The following MAPKAP1 variants were observed in gnomAD, a reference collection of about 807,000 sequenced individuals.
MAPKAP1 encodes MAPK associated protein 1.
Under a neutral mutation model 65.7 loss-of-function variants are expected in MAPKAP1, and 20 were observed. That is an observed-to-expected ratio of 0.30 (90% CI 0.21 to 0.44). The LOEUF is 0.44. Ranked by LOEUF, MAPKAP1 falls within the 20% of genes least tolerant of loss-of-function variation. MAPKAP1 has a pLI of 1.00. For synonymous variants in MAPKAP1, 222 were observed against 244.3 expected (o/e 0.91, Z 0.85); for missense variants, 423 against 648.0 (o/e 0.65, Z 3.77).
chr9:125,557,099 A>C (rs948367072), intron 6 of MAPKAP1, among the ~76,000 whole-genome samples: 1 of 152,204 alleles, frequency 6.6e-6, no homozygotes, highest in Non-Finnish European at 1.5e-5. Flanking sequence ...AGGATCAAAA[A>C]ACAGAGTATT....
At chr9:125,673,471 C>T (rs943972537) in intron 1 of MAPKAP1, among the ~76,000 whole-genome samples, 1 of 152,192 alleles carries the variant, frequency 6.6e-6, no homozygotes, top group African/African-American at 2.4e-5. Flanking sequence ...GTTGATCCGC[C>T]CGCCTTGGCC....
chr9:125,569,763 C>T (rs998836026), intron 5 of MAPKAP1, among the ~76,000 whole-genome samples: 1 of 152,200 alleles, frequency 6.6e-6, no homozygotes, highest in African/African-American at 2.4e-5. Context: ...AAAAATCTTA[C>T]AACTACTGTA....
intron 9 of MAPKAP1, among the ~76,000 whole-genome samples, chr9:125,475,146 G>C (rs765283899): frequency 6.6e-6 from 1 of 152,056 alleles, no homozygotes; most frequent in Non-Finnish European, 1.5e-5. Context: ...CTCAGGGCTG[G>C]GACATGACTT....
intron 6 of MAPKAP1, among the ~76,000 whole-genome samples, chr9:125,552,067 C>G (rs147384972): frequency 5.3e-4 from 81 of 152,324 alleles, no homozygotes; most frequent in African/African-American, 1.9e-3. Flanking sequence ...TCTGACACTA[C>G]TGATATCCAA....
intron 7 of MAPKAP1, among the ~76,000 whole-genome samples, chr9:125,537,414 C>T (rs1830104640): frequency 6.6e-6 from 1 of 152,186 alleles, no homozygotes; most frequent in Non-Finnish European, 1.5e-5. Flanking sequence ...TTCATTAGCT[C>T]CCATGTCGTT....
rs768625329 is a variant in MAPKAP1, at chr9:125,447,516, CA to C, written c.1346-2919del. 2.2e-6 allele frequency: 1 copy of C among 456,398 alleles called. No individual in the cohort carries two copies. The allele number at this position is 456,398 out of a possible 1,614,324, so 28.3% of individuals were successfully genotyped here. On this transcript the variant is annotated intron_variant, in intron 10 of 11. Transcript: ENST00000265960. The surrounding 1 kb of genome is among the most constrained non-coding windows in gnomAD (Gnocchi z 4.5). ...GGGGGCAAGGGCAGGTTAAGATCAGCAGCCATGCTGGGCCATAGGACATGGG... is the reference window on the plus strand; with the variant it reads ...GGGGGCAAGGGCAGGTTAAGATCAGCGCCATGCTGGGCCATAGGACATGGG...
intron 5 of MAPKAP1, among the ~76,000 whole-genome samples, chr9:125,580,355 C>A (rs1021145641): frequency 1.3e-5 from 2 of 152,028 alleles, no homozygotes; most frequent in Non-Finnish European, 2.9e-5. Flanking sequence ...ACTATGCAGC[C>A]GTAAAAAAGG....
At chr9:125,568,531 TTTTCC>T (rs1462740876) in intron 5 of MAPKAP1, among the ~76,000 whole-genome samples, 3 of 152,174 alleles carry the variant, frequency 2.0e-5, no homozygotes, top group Non-Finnish European at 4.4e-5. Flanking sequence ...CCTTCTGTAC[TTTTCC>T]TTTCCTTTCT....
At chr9:125,580,351 C>T (rs543240507) in intron 5 of MAPKAP1, among the ~76,000 whole-genome samples, 8 of 152,238 alleles carry the variant, frequency 5.3e-5, no homozygotes, top group African/African-American at 1.9e-4. Flanking sequence ...GAATACTATG[C>T]AGCCGTAAAA....
rs529498662 is a variant in MAPKAP1, at chr9:125,524,982, G to A, written c.958+18077C>T. 3.9e-5 allele frequency among the ~76,000 whole-genome samples: 6 copies of A among 152,316 alleles called. No individual in the cohort carries two copies. The East Asian group carries it at 9.6e-4, about 24-fold the overall frequency. On this transcript the variant is annotated intron_variant, in intron 7 of 11. Transcript: ENST00000265960. ...CTCTGCTGCTCTGACAAGGGGCCTC[G>A]GACCCCTGGAAAAGCCCAAATGAGC...
At position 125,597,264 on chromosome 9, in the gene MAPKAP1, CAAAAAAAAAA is replaced by C. The variant is rs35917056; in HGVS notation, c.499-11547_499-11538del. 3.8e-5 allele frequency among the ~76,000 whole-genome samples: 2 copies of C among 52,656 alleles called. 1 individual carries two copies. The highest frequency in any genetic ancestry group is 6.8e-4 in the Admixed American group (2 of 2,932). The allele number at this position is 52,656 out of a possible 152,430, so 34.5% of individuals were successfully genotyped here. A position where few individuals can be genotyped will look rare whatever the true frequency, so the allele number is the denominator to read the frequency against. On this transcript the variant is annotated intron_variant, in intron 4 of 11. Transcript: ENST00000265960. ...TGGACGACAGAGCGAGACTCCGTCT[CAAAAAAAAAA>C]AAAAAAAAAAAAAAAAAAGCTTGGC... is the stretch of plus-strand genomic sequence containing the variant.
rs1833879078 is a variant in MAPKAP1, at chr9:125,651,062, G to A, written c.498+6589C>T. Among the ~76,000 whole-genome samples the A allele has an allele frequency of 2.0e-5, 3 of 152,122 alleles. No individual in the cohort carries two copies. The South Asian group carries it at 6.2e-4, about 32-fold the overall frequency. On this transcript the variant is annotated intron_variant, in intron 4 of 11. Coordinates refer to ENST00000265960, the MANE Select transcript of MAPKAP1 (RefSeq NM_001006617.3). ...GCTCACTGCAGCCTCAACCTCCTGGGCTCAAGTGATCCTTCCGCCTCAGCC... is the reference window on the plus strand; with the variant it reads ...GCTCACTGCAGCCTCAACCTCCTGGACTCAAGTGATCCTTCCGCCTCAGCC...
intron 4 of MAPKAP1, among the ~76,000 whole-genome samples, chr9:125,646,493 C>T (rs1833729288): frequency 6.6e-6 from 1 of 152,096 alleles, no homozygotes; most frequent in African/African-American, 2.4e-5. Flanking sequence ...ATATCAAGTC[C>T]ATTAGAGGAC....
chr9:125,480,975 GAAAAAAAAAAAA>G (rs536367888), intron 9 of MAPKAP1, among the ~76,000 whole-genome samples: 3 of 108,684 alleles, frequency 2.8e-5, no homozygotes, highest in East Asian at 4.1e-4. Flanking sequence ...CCGTTTCGGG[GAAAAAAAAAAAA>G]AAAAAAAAAA....
intron 4 of MAPKAP1, among the ~76,000 whole-genome samples, chr9:125,612,689 G>C (rs1832637474): frequency 6.6e-6 from 1 of 152,188 alleles, no homozygotes; most frequent in Non-Finnish European, 1.5e-5. Context: ...AAGAGATCCT[G>C]ATTCCCAAAG....
chr9:125,499,025 T>C (rs1429291276), intron 8 of MAPKAP1, among the ~76,000 whole-genome samples: 1 of 152,242 alleles, frequency 6.6e-6, no homozygotes, highest in African/African-American at 2.4e-5. Flanking sequence ...ACGAGCTGTA[T>C]GATTATTAGA....
intron 8 of MAPKAP1, among the ~76,000 whole-genome samples, chr9:125,495,914 AGCTATG>A (rs1854924399): frequency 1.3e-5 from 2 of 152,208 alleles, no homozygotes; most frequent in South Asian, 4.1e-4. Flanking sequence ...TGCTCAGACA[AGCTATG>A]GTGTCTGTGA....
intron 5 of MAPKAP1, among the ~76,000 whole-genome samples, chr9:125,572,120 C>T (rs1198964105): frequency 6.6e-6 from 1 of 152,180 alleles, no homozygotes; most frequent in Admixed American, 6.5e-5. Flanking sequence ...TAACAGAACA[C>T]AACTGAAGAA....
At chr9:125,610,969 T>G (rs1020474819) in intron 4 of MAPKAP1, among the ~76,000 whole-genome samples, 4 of 152,170 alleles carry the variant, frequency 2.6e-5, no homozygotes, top group African/African-American at 9.7e-5. Context: ...AACAGTATGA[T>G]CAGAAGCAAA....
Sources: gnomAD v4.1 joint callset for allele counts (sites outside exome capture counted in the v4.1 genomes callset) on GRCh38, gnomAD v4.1.1 for gene constraint, Gnocchi (gnomAD v3.1) non-coding constraint, MANE v1.5 for transcripts, NCBI Gene and HGNC (gene_info 2026-07-23, HGNC 2026-07-21) for gene names.